GBE1: variants seen among roughly 807,000 people sequenced by gnomAD.
GBE1 encodes 1,4-alpha-glucan branching enzyme 1.
A neutral mutation model predicts 88.8 loss-of-function variants in GBE1; 70 were observed. The ratio of observed to expected loss-of-function variants is 0.79; its 90% CI spans 0.65 to 0.96. GBE1 has a LOEUF of 0.96. GBE1 is among the 40% of genes least tolerant of loss of function. The pLI is 0.00. For missense variants in GBE1, 872 were observed against 871.0 expected (o/e 1.00, Z -0.01); for synonymous variants, 284 against 300.1 (o/e 0.95, Z 0.56).
chr3:81,611,491 T>C (rs1324398552), intron 7 of GBE1, among the ~76,000 whole-genome samples: 2 of 152,142 alleles, frequency 1.3e-5, no homozygotes, highest in Non-Finnish European at 2.9e-5. Flanking sequence ...AGTGATTGGA[T>C]CGGCTTTGTG....
intron 14 of GBE1, among the ~76,000 whole-genome samples, chr3:81,517,405 G>A (rs538808310): frequency 8.2e-4 from 124 of 151,368 alleles, no homozygotes; most frequent in Non-Finnish European, 1.6e-3. Flanking sequence ...ACTTCTATAT[G>A]TATTGTGAAC....
At chr3:81,707,810 T>C (rs1313609180) in intron 1 of GBE1, among the ~76,000 whole-genome samples, 2 of 152,064 alleles carry the variant, frequency 1.3e-5, no homozygotes, top group Non-Finnish European at 2.9e-5. Flanking sequence ...TTTAGTTTCA[T>C]TGTTTAAAGT....
intron 15 of GBE1, among the ~76,000 whole-genome samples, chr3:81,492,894 C>T (rs1702456021): frequency 6.6e-6 from 1 of 152,072 alleles, no homozygotes; most frequent in Non-Finnish European, 1.5e-5. Context: ...TGCAACACCA[C>T]ACTCAGCTAA....
chr3:81,558,449 G>C (rs1703377176), intron 12 of GBE1, among the ~76,000 whole-genome samples: 2 of 151,916 alleles, frequency 1.3e-5, no homozygotes, highest in Non-Finnish European at 1.5e-5. Context: ...GGAAATTCTG[G>C]TTGTTATAAA....
At chr3:81,688,300 G>T (rs1705468610) in intron 2 of GBE1, among the ~76,000 whole-genome samples, 1 of 152,180 alleles carries the variant, frequency 6.6e-6, no homozygotes, top group East Asian at 1.9e-4. Flanking sequence ...TTACTAATTT[G>T]TCTATATTGA....
At chr3:81,750,643 A>ATATATATATG (rs1553696623) in intron 1 of GBE1, among the ~76,000 whole-genome samples, 1 of 49,744 alleles carries the variant, frequency 2.0e-5, no homozygotes. Flanking sequence ...ATATATATAT[A>ATATATATATG]TGTATATATA....
At chr3:81,499,369 T>C (rs1188548843) in intron 14 of GBE1, 142 bp from the exon 15 acceptor site, 1 of 673,924 alleles carries the variant, frequency 1.5e-6, no homozygotes, top group Non-Finnish European at 2.7e-6. Flanking sequence ...TCTTTTATAG[T>C]TTTATGTCTG....
intron 8 of GBE1, among the ~76,000 whole-genome samples, chr3:81,593,458 C>T (rs1032635467): frequency 2.7e-5 from 4 of 150,758 alleles, no homozygotes; most frequent in African/African-American, 4.8e-5. Flanking sequence ...CTTTGTACAA[C>T]TTTTAAGCTG....
At chr3:81,752,677 C>T (rs1706545963) in intron 1 of GBE1, among the ~76,000 whole-genome samples, 1 of 151,968 alleles carries the variant, frequency 6.6e-6, no homozygotes, top group African/African-American at 2.4e-5. Context: ...AAACATATTC[C>T]TTTCCTTCTC....
intron 7 of GBE1, among the ~76,000 whole-genome samples, chr3:81,611,102 C>T (rs1337591988): frequency 1.3e-5 from 2 of 151,850 alleles, no homozygotes; most frequent in Non-Finnish European, 2.9e-5. Context: ...TCCCCTGCTA[C>T]CTTGTATACA....
chr3:81,671,392 C>T (rs1705187461), intron 2 of GBE1, among the ~76,000 whole-genome samples: 1 of 151,982 alleles, frequency 6.6e-6, no homozygotes, highest in African/African-American at 2.4e-5. Context: ...TGTGACAGAG[C>T]TGACATAAAA....
intron 1 of GBE1, among the ~76,000 whole-genome samples, chr3:81,734,856 G>A (rs1397782249): frequency 5.3e-5 from 8 of 152,170 alleles, no homozygotes; most frequent in Non-Finnish European, 1.0e-4. Context: ...TGAGGTCAAT[G>A]TGGTACAAAA....
rs577795267 is a variant in GBE1, at chr3:81,642,207, G to A, written c.992+574C>T. ...TAAGCCTTAGTTTATTTATCTGTAA[G>A]ATGGCTATAACAATAGTGTTTACCA... On this transcript the variant is annotated intron_variant, in intron 7 of 15. Transcript: ENST00000429644. 3.9e-4 allele frequency among the ~76,000 whole-genome samples: 60 copies of A among 152,026 alleles called. 1 individual carries two copies. Among genetic ancestry groups the A allele is most frequent in the Admixed American group, 1.2e-3 (18 of 15,248 alleles).
At chr3:81,601,850 T>A (rs1055583168) in intron 7 of GBE1, among the ~76,000 whole-genome samples, 1 of 152,204 alleles carries the variant, frequency 6.6e-6, no homozygotes, top group Non-Finnish European at 1.5e-5. Context: ...ATTTACCTAT[T>A]TGTACATTCA....
intron 7 of GBE1, among the ~76,000 whole-genome samples, chr3:81,632,252 T>A (rs1277943718): frequency 6.6e-6 from 1 of 152,176 alleles, no homozygotes; most frequent in Non-Finnish European, 1.5e-5. Flanking sequence ...CTATTGTGAA[T>A]AGTGCTGCAA....
intron 5 of GBE1, among the ~76,000 whole-genome samples, chr3:81,647,868 T>C (rs547779740): frequency 6.6e-6 from 1 of 152,254 alleles, no homozygotes; most frequent in East Asian, 1.9e-4. Context: ...TTCACTTTCA[T>C]TCCAGGTACT....
intron 7 of GBE1, among the ~76,000 whole-genome samples, chr3:81,641,871 AATTC>A (rs974232331): frequency 1.3e-5 from 2 of 150,632 alleles, no homozygotes; most frequent in Non-Finnish European, 3.0e-5. Flanking sequence ...CTGGAAAGAA[AATTC>A]ATTAATTTTT....
chr3:81,698,149 G>T (rs1311365423), intron 2 of GBE1, among the ~76,000 whole-genome samples: 1 of 150,934 alleles, frequency 6.6e-6, no homozygotes, highest in African/African-American at 2.4e-5. Flanking sequence ...ATGCTTTTCA[G>T]TAAAAATAAT....
At chr3:81,631,847 A>G (rs1303215214) in intron 7 of GBE1, among the ~76,000 whole-genome samples, 1 of 152,112 alleles carries the variant, frequency 6.6e-6, no homozygotes, top group East Asian at 1.9e-4. Flanking sequence ...ATACATGTGC[A>G]GAATGTGCAG....
Sources: gnomAD v4.1 joint callset for allele counts (sites outside exome capture counted in the v4.1 genomes callset) on GRCh38, gnomAD v4.1.1 for gene constraint, MANE v1.5 for transcripts, NCBI Gene and HGNC (gene_info 2026-07-23, HGNC 2026-07-21) for gene names.